NVL: variants seen among roughly 807,000 people sequenced by gnomAD.
NVL encodes nuclear VCP like.
In NVL, 84 loss-of-function variants were observed where a neutral mutation model predicts 110.2. That is an observed-to-expected ratio of 0.76 (90% CI 0.64 to 0.91). The LOEUF (loss-of-function observed/expected upper bound fraction) is 0.91. NVL is among the 40% of genes least tolerant of loss of function. NVL has a pLI of 0.00. For synonymous variants in NVL, 354 were observed against 361.1 expected, an observed-to-expected ratio of 0.98 and a Z score of 0.22; for missense variants, 882 against 1,035.9, an observed-to-expected ratio of 0.85 and a Z score of 2.04.
At chr1:224,275,093 C>T (rs181539342) in intron 17 of NVL, among the ~76,000 whole-genome samples, 10 of 152,292 alleles carry the variant, frequency 6.6e-5, no homozygotes, top group Admixed American at 5.9e-4. Flanking sequence ...CTTACCTACT[C>T]ATTTGTGTGA....
intron 17 of NVL, among the ~76,000 whole-genome samples, chr1:224,273,054 AAC>A (rs1491137147): frequency 1.2e-4 from 17 of 145,152 alleles, no homozygotes; most frequent in African/African-American, 4.3e-4. Flanking sequence ...AAAAAAAACA[AAC>A]AAACAAAAAA....
At chr1:224,322,243 ATTTTTTTT>A (rs34841668) in intron 2 of NVL, among the ~76,000 whole-genome samples, 4 of 131,794 alleles carry the variant, frequency 3.0e-5, no homozygotes, top group African/African-American at 1.2e-4. Context: ...TGCCACGCTA[ATTTTTTTT>A]TTTTTTTTTT....
At chr1:224,240,456 C>A (rs1397561232) in intron 19 of NVL, among the ~76,000 whole-genome samples, 1 of 152,108 alleles carries the variant, frequency 6.6e-6, no homozygotes, top group Non-Finnish European at 1.5e-5. Context: ...TGTGATCTGC[C>A]CGCCTCCGCC....
At position 224,270,279 on chromosome 1, in the gene NVL, G is replaced by A. The variant is rs990549159; in HGVS notation, c.2083-2146C>T. On this transcript the variant is annotated intron_variant, in intron 17 of 22. Coordinates refer to ENST00000281701, the MANE Select transcript of NVL (RefSeq NM_002533.4). Reference sequence around the variant, plus strand: ...GCATTAAAGCCATAATATTCTGGCCGGGCATTGTGGCTCACACCTGTAATC... The same window carrying A: ...GCATTAAAGCCATAATATTCTGGCCAGGCATTGTGGCTCACACCTGTAATC... Among the ~76,000 whole-genome samples, 15 of 152,124 alleles carry A rather than the reference G, an allele frequency of 9.9e-5. 1 individual carries two copies. The highest frequency in any genetic ancestry group is 8.3e-4 in the South Asian group (4 of 4,828).
chr1:224,246,050 A>G (rs1661784629), intron 19 of NVL, among the ~76,000 whole-genome samples: 2 of 148,672 alleles, frequency 1.3e-5, no homozygotes, highest in African/African-American at 5.0e-5. Context: ...TTTTTTGGAG[A>G]CAGAGTTTTG....
At chr1:224,236,383 C>T (rs1660471404) in intron 20 of NVL, 123 bp downstream of exon 20, 2 of 720,828 alleles carry the variant, frequency 2.8e-6, no homozygotes, top group Non-Finnish European at 4.9e-6. Flanking sequence ...ACTTTATGTG[C>T]TTCATGGGAT....
intron 4 of NVL, among the ~76,000 whole-genome samples, chr1:224,316,717 G>A (rs975686363): frequency 5.9e-5 from 9 of 151,702 alleles, no homozygotes; most frequent in Non-Finnish European, 1.3e-4. Context: ...GGGGTGGAGG[G>A]AGAAATGAAT....
In NVL at chr1:224,308,372, C is replaced by T. The variant is rs1669142444; in HGVS notation, c.343-109G>A. ...TCTATATTTTGTTTTTTAACAACTT[C>T]TCTCAGAACATTTATAATCAGAATA... On this transcript the variant is annotated intron_variant, in intron 5 of 22. Coordinates refer to ENST00000281701, the MANE Select transcript of NVL (RefSeq NM_002533.4). 6.4e-6 allele frequency: 6 copies of T among 938,372 alleles called. No homozygotes were observed. In the Admixed American group the frequency reaches 1.7e-4, roughly 27 times the overall value. 58.1% of individuals were successfully genotyped at this position (938,372 alleles called of 1,614,324 possible). A position where few individuals can be genotyped will look rare whatever the true frequency, so the allele number is the denominator to read the frequency against.
intron 18 of NVL, among the ~76,000 whole-genome samples, chr1:224,259,073 AT>A (rs1196971683): frequency 6.7e-6 from 1 of 149,248 alleles, no homozygotes; most frequent in African/African-American, 2.5e-5. Flanking sequence ...CAGGCATGAG[AT>A]TTTTTAAGGG....
intron 14 of NVL, among the ~76,000 whole-genome samples, chr1:224,286,429 C>A (rs1571951289): frequency 6.6e-6 from 1 of 152,146 alleles, no homozygotes; most frequent in African/African-American, 2.4e-5. Context: ...TGGTCTTGAA[C>A]TCCTGACCTC....
Position 224,281,286 on chromosome 1 carries a change from T to TGTGA in NVL, c.1900-102_1900-101insTCAC, listed in dbSNP as rs1553320773. On this transcript the variant is annotated intron_variant, in intron 15 of 22. Coordinates refer to ENST00000281701, the MANE Select transcript of NVL (RefSeq NM_002533.4). ...TGACAATGAAAGGACTCTGTGTGCG[T>TGTGA]GTGTGTGTGTGTGTGTGTGTGTGTG... The TGTGA allele has an allele frequency of 1.7e-4, 108 of 620,306 alleles. No individual in the cohort carries two copies. The Middle Eastern group carries it at 2.0e-3, about 12-fold the overall frequency. The allele number at this position is 620,306 out of a possible 1,614,324, so 38.4% of individuals were successfully genotyped here. A position where few individuals can be genotyped will look rare whatever the true frequency, so the allele number is the denominator to read the frequency against.
At chr1:224,300,185 A>G (rs1668264375) in intron 10 of NVL, among the ~76,000 whole-genome samples, 1 of 152,222 alleles carries the variant, frequency 6.6e-6, no homozygotes, top group South Asian at 2.1e-4. Flanking sequence ...GGTTGCTTTT[A>G]TAATAGCCTA....
Position 224,323,665 on chromosome 1 carries a change from C to T in NVL, c.131+2726G>A, listed in dbSNP as rs577775659. On this transcript the variant is annotated intron_variant, in intron 2 of 22. Coordinates refer to ENST00000281701, the MANE Select transcript of NVL (RefSeq NM_002533.4). Reference sequence around the variant, plus strand: ...GTTATCCTTCAAGAAAAGGGAAGAACGACCCTTCAGGAGGCTCAAAAGAAG... The same window carrying T: ...GTTATCCTTCAAGAAAAGGGAAGAATGACCCTTCAGGAGGCTCAAAAGAAG... Among the ~76,000 whole-genome samples, 3 of 152,266 alleles carry T rather than the reference C, an allele frequency of 2.0e-5. No homozygotes were observed. The South Asian group carries it at 6.2e-4, about 32-fold the overall frequency.
At chr1:224,236,430 G>T in intron 20 of NVL, 76 bp downstream of exon 20, 1 of 1,082,880 alleles carries the variant, frequency 9.2e-7, no homozygotes. Context: ...GCTGAGGTGA[G>T]CATCATCACC....
chr1:224,235,322 C>T (rs948818714), intron 20 of NVL, among the ~76,000 whole-genome samples: 8 of 152,092 alleles, frequency 5.3e-5, no homozygotes, highest in African/African-American at 9.7e-5. Context: ...TGTGCACTAC[C>T]ATGCCCGGCT....
rs576777516 is a variant in NVL at position 224,250,417 on chromosome 1, T to G, written c.2183-99A>C. ...TCTTGTTCCATCTCCCAGGCTGGAG[T>G]GCAGTGGCATGATCTCAGCTCACTG... is the stretch of plus-strand genomic sequence containing the variant. On this transcript the variant is annotated intron_variant, in intron 18 of 22. Coordinates refer to ENST00000281701, the MANE Select transcript of NVL (RefSeq NM_002533.4). 119 of 1,108,528 alleles carry G rather than the reference T, an allele frequency of 1.1e-4. 1 individual carries two copies. In the African/African-American group the frequency reaches 1.8e-3, roughly 17 times the overall value. The allele number at this position is 1,108,528 out of a possible 1,614,324, so 68.7% of individuals were successfully genotyped here.
intron 19 of NVL, among the ~76,000 whole-genome samples, chr1:224,240,783 CTTT>C (rs59138570): frequency 3.6e-5 from 3 of 82,658 alleles, no homozygotes; most frequent in African/African-American, 1.6e-4. Context: ...ACAAACTGTC[CTTT>C]TTTTTTTTTT....
At chr1:224,268,853 TCAC>T (rs1351249675) in intron 17 of NVL, among the ~76,000 whole-genome samples, 39 of 151,452 alleles carry the variant, frequency 2.6e-4, no homozygotes, top group African/African-American at 9.2e-4. Context: ...AGATGCGGTT[TCAC>T]CACGTTGGTC....
rs562498460 is a variant in NVL, at chr1:224,307,583, T to C, written c.615+408A>G. 4.0e-5 allele frequency among the ~76,000 whole-genome samples: 6 copies of C among 151,674 alleles called. No homozygotes were observed. In the South Asian group the frequency reaches 1.3e-3, roughly 32 times the overall value. On this transcript the variant is annotated intron_variant, in intron 6 of 22. Coordinates refer to ENST00000281701, the MANE Select transcript of NVL (RefSeq NM_002533.4). Reference sequence around the variant, plus strand: ...GGTGTGGTGGCACATGCCTGTAGTCTTAGTTACATGGGAGGCTGAGGTGGG... The same window carrying C: ...GGTGTGGTGGCACATGCCTGTAGTCCTAGTTACATGGGAGGCTGAGGTGGG...
Sources: allele counts gnomAD v4.1 joint callset (sites outside exome capture counted in the v4.1 genomes callset), GRCh38; gene constraint gnomAD v4.1.1; transcripts MANE v1.5; gene names NCBI Gene and HGNC (gene_info 2026-07-23, HGNC 2026-07-21).